YTHDC2: variants seen among roughly 807,000 people sequenced by gnomAD.
The protein encoded by YTHDC2 is YTH N6-methyladenosine RNA binding protein C2, also known as 3'-5' RNA helicase YTHDC2.
YTHDC2 carries 45 observed loss-of-function variants against 174.9 expected under a neutral mutation model. The ratio of observed to expected loss-of-function variants is 0.26; its 90% CI spans 0.20 to 0.33. The LOEUF is 0.33. YTHDC2 is among the 10% of genes least tolerant of loss of function. The pLI is 1.00. For synonymous variants in YTHDC2, 657 were observed against 574.5 expected (o/e 1.14, Z -2.05); for missense variants, 1,650 against 1,723.7 (o/e 0.96, Z 0.76).
At chr5:113,543,917 T>G (rs1775656903) in intron 10 of YTHDC2, among the ~76,000 whole-genome samples, 1 of 152,242 alleles carries the variant, frequency 6.6e-6, no homozygotes, top group Non-Finnish European at 1.5e-5. Flanking sequence ...TTCTCTTTTC[T>G]GACCACCTTA....
chr5:113,583,986 A>G, intron 25 of YTHDC2: 1 of 176,738 alleles, frequency 5.7e-6, no homozygotes. Flanking sequence ...GCATTTATTC[A>G]TAGAATTTTA....
chr5:113,569,775 C>T (rs766719152), intron 23 of YTHDC2, among the ~76,000 whole-genome samples: 8 of 152,196 alleles, frequency 5.3e-5, no homozygotes, highest in East Asian at 3.9e-4. Context: ...AGTCGGGTAG[C>T]GTGATGCCTC....
chr5:113,539,423 CCAAA>C, intron 8 of YTHDC2, among the ~76,000 whole-genome samples: 1 of 152,218 alleles, frequency 6.6e-6, no homozygotes, highest in Middle Eastern at 3.4e-3. Flanking sequence ...GTGTCTATAT[CCAAA>C]CATTCAGCCA....
chr5:113,547,628 C>T (rs1410759800), intron 10 of YTHDC2, among the ~76,000 whole-genome samples: 1 of 152,070 alleles, frequency 6.6e-6, no homozygotes, highest in South Asian at 2.1e-4. Context: ...ATTTTCCTCT[C>T]AGTTTTGCTG....
rs1160107641 is a variant in YTHDC2, at chr5:113,523,251, T to C, written c.279-1730T>C. Reference sequence around the variant, plus strand: ...TAAAGCATCTTTGAGTTCTTAAAAATATGAAGTTTTTAAAATTAACAATTG... The same window carrying C: ...TAAAGCATCTTTGAGTTCTTAAAAACATGAAGTTTTTAAAATTAACAATTG... On this transcript the variant is annotated intron_variant, in intron 2 of 29. Transcript: ENST00000161863. Among the ~76,000 whole-genome samples, 9 of 152,278 alleles carry C rather than the reference T, an allele frequency of 5.9e-5. No individual in the cohort carries two copies. In the East Asian group the frequency reaches 1.5e-3, roughly 26 times the overall value.
Position 113,592,184 on chromosome 5 carries a change from C to CA in YTHDC2, c.4212+8dup. The CA allele has an allele frequency of 6.4e-7, 1 of 1,563,312 alleles. No individual in the cohort carries two copies. The highest frequency in any genetic ancestry group is 8.6e-7 in the Non-Finnish European group (1 of 1,164,092). ...AGATAAGCAGGGATGGGCAGGTATA[C>CA]AATGGCATTTTTTTTTTTATTTACT... On this transcript the variant is annotated splice_region_variant and intron_variant, in intron 28 of 29. Transcript: ENST00000161863.
chr5:113,580,740 A>T (rs1212348028), intron 24 of YTHDC2, among the ~76,000 whole-genome samples: 1 of 152,086 alleles, frequency 6.6e-6, no homozygotes, highest in Non-Finnish European at 1.5e-5. Context: ...ACTATTGTCC[A>T]TATCCTCCTT....
In YTHDC2 at chr5:113,591,156, C is replaced by T. The variant is rs1334344727; in HGVS notation, c.3941C>T (p.Pro1314Leu). ...CAGAAGGGTATCTGGTCTACAACTC[C>T]TAGTAATGAACGGAAGCTAAATCGA... ...SQQKGIWSTT[P>L]SNERKLNRAF... is the part of the protein sequence containing the mutation. Residue 1314 changes from proline to leucine, a missense_variant, in exon 27 of 30, where the codon CCT (proline) becomes CTT (leucine). Around this residue, in one of 5 missense-constraint regions of YTHDC2, gnomAD observed 913 missense variants for 940.4 expected, o/e 0.97. Coordinates refer to ENST00000161863, the MANE Select transcript of YTHDC2 (RefSeq NM_022828.5). 2 of 1,613,844 alleles carry T rather than the reference C, an allele frequency of 1.2e-6. No individual in the cohort carries two copies. Among genetic ancestry groups the T allele is most frequent in the Admixed American group, 1.7e-5 (1 of 59,976 alleles).
intron 4 of YTHDC2, among the ~76,000 whole-genome samples, chr5:113,528,033 A>G (rs1774395430): frequency 1.3e-5 from 2 of 152,204 alleles, no homozygotes. Flanking sequence ...TTAGATTGTT[A>G]TAATTTTTTT....
chr5:113,573,967 T>A (rs1179993830), intron 23 of YTHDC2, among the ~76,000 whole-genome samples: 3 of 152,216 alleles, frequency 2.0e-5, no homozygotes, highest in Non-Finnish European at 2.9e-5. Flanking sequence ...TCTGTCATTT[T>A]AGCCATCTCA....
intron 7 of YTHDC2, among the ~76,000 whole-genome samples, chr5:113,537,070 T>C (rs1331025698): frequency 6.6e-6 from 1 of 152,204 alleles, no homozygotes; most frequent in Admixed American, 6.5e-5. Context: ...CTGCCAACAA[T>C]GTTATAATGA....
At chr5:113,574,620 A>G (rs536962973) in intron 23 of YTHDC2, among the ~76,000 whole-genome samples, 2 of 152,280 alleles carry the variant, frequency 1.3e-5, no homozygotes, top group Admixed American at 6.5e-5. Context: ...CCCATCTCAG[A>G]CAGACCAACC....
chr5:113,515,452 A>G, intron 2 of YTHDC2, 90 bp downstream of exon 2: 1 of 1,007,188 alleles, frequency 9.9e-7, no homozygotes, highest in Non-Finnish European at 1.5e-6. Context: ...AGTACTTATT[A>G]CTGTTTTAAC....
Position 113,526,653 on chromosome 5 carries a change from A to G in YTHDC2, c.543A>G (p.Arg181=). Residue 181 remains arginine, a synonymous_variant, in exon 4 of 30, where the codon AGA becomes AGG. Transcript: ENST00000161863. ...GCATACCTCAGATTCCAGTGAAAAG[A>G]GGAGAATCCGAATTTGATTCTTTTA... ...NNGIPQIPVK[R]GESEFDSFRQ... is the part of the protein sequence containing the mutation. The G allele has an allele frequency of 6.2e-7, 1 of 1,606,722 alleles. No individual in the cohort carries two copies. Among genetic ancestry groups the G allele is most frequent in the Non-Finnish European group, 8.5e-7 (1 of 1,175,972 alleles).
chr5:113,570,841 T>C (rs1777667156), intron 23 of YTHDC2, among the ~76,000 whole-genome samples: 1 of 151,996 alleles, frequency 6.6e-6, no homozygotes, highest in African/African-American at 2.4e-5. Context: ...TTTAGTAGAT[T>C]TGGCATTTCA....
At position 113,584,488 on chromosome 5, in the gene YTHDC2, A is replaced by G; in HGVS notation, c.3825+9A>G. ...CTCCATCCTCAGGAAAGGTAAGAGTATCTGAAAGAAAATGTAGTAAGGAAC... is the reference window on the plus strand; with the variant it reads ...CTCCATCCTCAGGAAAGGTAAGAGTGTCTGAAAGAAAATGTAGTAAGGAAC... On this transcript the variant is annotated intron_variant, in intron 26 of 29. Transcript: ENST00000161863. 1 of 1,593,156 alleles carries G rather than the reference A, an allele frequency of 6.3e-7. No homozygotes were observed. Among genetic ancestry groups the G allele is most frequent in the South Asian group, 1.1e-5 (1 of 87,766 alleles).
At chr5:113,524,549 C>T (rs542974631) in intron 2 of YTHDC2, among the ~76,000 whole-genome samples, 1 of 152,116 alleles carries the variant, frequency 6.6e-6, no homozygotes, top group South Asian at 2.1e-4. Context: ...TACCAACATA[C>T]TGTGGAAGCA....
intron 7 of YTHDC2, among the ~76,000 whole-genome samples, chr5:113,537,416 T>C (rs924259074): frequency 2.3e-4 from 35 of 151,556 alleles, no homozygotes; most frequent in African/African-American, 6.3e-4. Flanking sequence ...TTTGATAACA[T>C]TGCTGCTTGC....
At chr5:113,573,910 T>C (rs1484022205) in intron 23 of YTHDC2, among the ~76,000 whole-genome samples, 1 of 152,220 alleles carries the variant, frequency 6.6e-6, no homozygotes, top group African/African-American at 2.4e-5. Flanking sequence ...ACAATATGCT[T>C]CTTTAGCTCA....
Sources: gnomAD v4.1 joint callset for allele counts (sites outside exome capture counted in the v4.1 genomes callset) on GRCh38, gnomAD v4.1.1 for gene constraint, gnomAD v4.1.1 regional missense constraint, MANE v1.5 for transcripts, NCBI Gene and HGNC (gene_info 2026-07-23, HGNC 2026-07-21) for gene names.